NR3C2: variants seen among roughly 807,000 people sequenced by gnomAD.
NR3C2 encodes mineralocorticoid receptor.
In NR3C2, 15 loss-of-function variants were observed where a neutral mutation model predicts 86.4. The observed-to-expected ratio is 0.17, with a 90% CI of 0.12 to 0.27. The LOEUF (loss-of-function observed/expected upper bound fraction) is 0.27. Among genes scored for constraint, NR3C2 ranks in the 10% least tolerant of loss-of-function variants. NR3C2 has a pLI of 1.00. For missense variants in NR3C2, 960 were observed against 1,195.6 expected (o/e 0.80, Z 2.91); for synonymous variants, 458 against 450.5 (o/e 1.02, Z -0.21).
chr4:148,082,927 G>C (rs958731182), intron 8 of NR3C2, among the ~76,000 whole-genome samples: 1 of 152,010 alleles, frequency 6.6e-6, no homozygotes, highest in Non-Finnish European at 1.5e-5. Context: ...TTGAGTAGGC[G>C]GTTTTGCCCT....
chr4:148,209,999 G>A (rs1463637992), intron 3 of NR3C2, among the ~76,000 whole-genome samples: 1 of 152,084 alleles, frequency 6.6e-6, no homozygotes, highest in Non-Finnish European at 1.5e-5. Context: ...GGTTTCTCAG[G>A]TGCAACTTTC....
intron 2 of NR3C2, among the ~76,000 whole-genome samples, chr4:148,276,784 A>C (rs1308684111): frequency 1.3e-5 from 2 of 152,232 alleles, no homozygotes; most frequent in Non-Finnish European, 2.9e-5. Context: ...TAGCACTTCC[A>C]AAGTATAAGG....
At chr4:148,316,137 G>A (rs369570799) in intron 2 of NR3C2, among the ~76,000 whole-genome samples, 5 of 152,104 alleles carry the variant, frequency 3.3e-5, no homozygotes, top group African/African-American at 1.2e-4. Flanking sequence ...AAATGCTTAC[G>A]ATATGCTAAG....
intron 8 of NR3C2, among the ~76,000 whole-genome samples, chr4:148,103,756 G>C (rs72959797): frequency 2.6e-4 from 40 of 152,012 alleles, no homozygotes; most frequent in South Asian, 6.2e-4. Flanking sequence ...TGTGGTGACC[G>C]AAGAAGGAAC....
intron 3 of NR3C2, among the ~76,000 whole-genome samples, chr4:148,237,844 C>CAATAGG (rs1738823867): frequency 6.6e-6 from 1 of 152,056 alleles, no homozygotes; most frequent in African/African-American, 2.4e-5. Context: ...ACTTCCAAAA[C>CAATAGG]TATTAACATC....
At chr4:148,342,258 G>C (rs1027817511) in intron 2 of NR3C2, among the ~76,000 whole-genome samples, 2 of 151,970 alleles carry the variant, frequency 1.3e-5, no homozygotes, top group African/African-American at 4.8e-5. Flanking sequence ...GTTCAAACTA[G>C]TACCATAAAT....
In NR3C2 at chr4:148,412,005, T is replaced by C. The variant is rs557352127; in HGVS notation, c.1757+23099A>G. ...GTTTCCGGGTTGGTCAGAGCTGGGC[T>C]ATAACACATCCAGTTGTTGCATTTA... On this transcript the variant is annotated intron_variant, in intron 2 of 8. Transcript: ENST00000358102. Among the ~76,000 whole-genome samples the C allele has an allele frequency of 8.3e-4, 126 of 152,308 alleles. 1 individual carries two copies. The highest frequency in any genetic ancestry group is 2.9e-3 in the African/African-American group (120 of 41,574).
chr4:148,182,201 T>A (rs372237997), intron 4 of NR3C2, among the ~76,000 whole-genome samples: 2 of 152,222 alleles, frequency 1.3e-5, no homozygotes, highest in Non-Finnish European at 2.9e-5. Context: ...GAGACATGCA[T>A]AAAAGGGTTT....
At chr4:148,269,342 T>C (rs1405084322) in intron 2 of NR3C2, among the ~76,000 whole-genome samples, 1 of 152,200 alleles carries the variant, frequency 6.6e-6, no homozygotes, top group Admixed American at 6.5e-5. Flanking sequence ...TCATTGTTGA[T>C]ACTGTTGACC....
At chr4:148,179,048 A>G (rs192679494) in intron 4 of NR3C2, among the ~76,000 whole-genome samples, 5 of 151,862 alleles carry the variant, frequency 3.3e-5, no homozygotes, top group African/African-American at 1.2e-4. Flanking sequence ...CTGTGCAATT[A>G]TTAATACTGT....
intron 2 of NR3C2, among the ~76,000 whole-genome samples, chr4:148,358,128 C>T (rs1319782377): frequency 6.6e-6 from 1 of 152,222 alleles, no homozygotes; most frequent in South Asian, 2.1e-4. Context: ...TGGGTATATA[C>T]CCAAAGGACT....
At chr4:148,255,401 T>C (rs1739784190) in intron 3 of NR3C2, among the ~76,000 whole-genome samples, 1 of 152,206 alleles carries the variant, frequency 6.6e-6, no homozygotes. Context: ...TCTGAAAATA[T>C]TGCCTATTTG....
At chr4:148,195,124 A>AT (rs1264485372) in intron 3 of NR3C2, among the ~76,000 whole-genome samples, 2 of 152,168 alleles carry the variant, frequency 1.3e-5, no homozygotes, top group Admixed American at 6.6e-5. Context: ...CATTATTTGA[A>AT]TTTTTTGATA....
chr4:148,327,777 C>G (rs1020922370), intron 2 of NR3C2, among the ~76,000 whole-genome samples: 1 of 152,186 alleles, frequency 6.6e-6, no homozygotes, highest in African/African-American at 2.4e-5. Context: ...TTGGTCTCAT[C>G]TCTCAGCACA....
rs187937389 is a variant in NR3C2, at chr4:148,266,318, G to A, written c.1758-6201C>T. 3.0e-3 allele frequency among the ~76,000 whole-genome samples: 454 copies of A among 152,168 alleles called. 1 individual carries two copies. The highest frequency in any genetic ancestry group is 0.011 in the African/African-American group (442 of 41,530). On this transcript the variant is annotated intron_variant, in intron 2 of 8. Transcript: ENST00000358102. ...GATATCTTGACCTTGTAATCTGCCC[G>A]CCTCGGCCTCCCAACGTGTTGGGAT...
intron 2 of NR3C2, among the ~76,000 whole-genome samples, chr4:148,426,951 T>C (rs1384153001): frequency 2.0e-5 from 3 of 151,420 alleles, no homozygotes; most frequent in African/African-American, 7.3e-5. Flanking sequence ...CTTCATTTCT[T>C]TTTCTTTTTC....
At chr4:148,178,784 T>C (rs1381818382) in intron 4 of NR3C2, among the ~76,000 whole-genome samples, 1 of 151,274 alleles carries the variant, frequency 6.6e-6, no homozygotes, top group East Asian at 1.9e-4. Flanking sequence ...CTTGGGAATT[T>C]TGAATGCAGG....
chr4:148,365,393 T>C, intron 2 of NR3C2, among the ~76,000 whole-genome samples: 1 of 152,200 alleles, frequency 6.6e-6, no homozygotes, highest in East Asian at 1.9e-4. Context: ...ACTCAACCTG[T>C]ACTGGTAAAA....
intron 3 of NR3C2, among the ~76,000 whole-genome samples, chr4:148,215,384 T>C (rs1737480413): frequency 6.6e-6 from 1 of 152,236 alleles, no homozygotes; most frequent in Non-Finnish European, 1.5e-5. Flanking sequence ...TGCTGCATGC[T>C]GGTGGTGACT....
Sources: allele counts gnomAD v4.1 joint callset (sites outside exome capture counted in the v4.1 genomes callset), GRCh38; gene constraint gnomAD v4.1.1; transcripts MANE v1.5; gene names NCBI Gene and HGNC (gene_info 2026-07-23, HGNC 2026-07-21).